RGS7: variants seen among roughly 807,000 people sequenced by gnomAD.
RGS7 encodes the protein regulator of G-protein signaling 7.
A neutral mutation model predicts 81.1 loss-of-function variants in RGS7; 27 were observed. The observed-to-expected ratio is 0.33, with a 90% CI of 0.25 to 0.46. The LOEUF (loss-of-function observed/expected upper bound fraction) is 0.46, where lower values mean the gene tolerates loss of function less well. Ranked by LOEUF, RGS7 falls within the 20% of genes least tolerant of loss-of-function variation. The pLI, the probability that RGS7 is intolerant of heterozygous loss-of-function variation, is 1.00. For synonymous variants in RGS7, 208 were observed against 207.7 expected (o/e 1.00, Z -0.01); for missense variants, 396 against 607.4 (o/e 0.65, Z 3.66).
intron 2 of RGS7, among the ~76,000 whole-genome samples, chr1:241,325,563 T>C (rs896990159): frequency 1.3e-5 from 2 of 152,164 alleles, no homozygotes; most frequent in African/African-American, 4.8e-5. Flanking sequence ...TTCAAATAAA[T>C]CTCTACTGAC....
At chr1:241,302,344 T>C (rs1009141658) in intron 2 of RGS7, among the ~76,000 whole-genome samples, 2 of 152,024 alleles carry the variant, frequency 1.3e-5, no homozygotes, top group Non-Finnish European at 2.9e-5. Context: ...GGTCAGGAGA[T>C]CGAGACCATC....
At chr1:240,995,013 T>C (rs1320088699) in intron 3 of RGS7, among the ~76,000 whole-genome samples, 2 of 152,116 alleles carry the variant, frequency 1.3e-5, no homozygotes, top group Non-Finnish European at 1.5e-5. Context: ...AGTTGAGGAA[T>C]TTCTCTTCCA....
At chr1:240,823,018 T>G (rs1036694217) in intron 10 of RGS7, 16 of 548,356 alleles carry the variant, frequency 2.9e-5, no homozygotes, top group Admixed American at 5.8e-5. Context: ...AGAAATTGTC[T>G]TGAGTTTCAA....
chr1:240,853,417 G>C (rs1660459077), intron 9 of RGS7, among the ~76,000 whole-genome samples: 1 of 152,072 alleles, frequency 6.6e-6, no homozygotes, highest in African/African-American at 2.4e-5. Context: ...ACAACTTCTT[G>C]GTCCAGATTA....
At chr1:241,314,618 T>C (rs539111823) in intron 2 of RGS7, among the ~76,000 whole-genome samples, 41 of 152,280 alleles carry the variant, frequency 2.7e-4, no homozygotes, top group African/African-American at 9.6e-4. Context: ...CTATAATACA[T>C]AAATTATATA....
chr1:241,127,605 A>G (rs1381643157), intron 2 of RGS7, among the ~76,000 whole-genome samples: 3 of 152,144 alleles, frequency 2.0e-5, no homozygotes, highest in East Asian at 1.9e-4. Context: ...TGACGAGTTA[A>G]TGGGTGCAGC....
intron 2 of RGS7, among the ~76,000 whole-genome samples, chr1:241,303,828 T>C (rs2079918935): frequency 1.3e-5 from 2 of 152,202 alleles, no homozygotes; most frequent in Admixed American, 1.3e-4. Context: ...TTCCTCTGTT[T>C]CCTATAAATT....
intron 3 of RGS7, among the ~76,000 whole-genome samples, chr1:241,023,788 C>G (rs550482373): frequency 6.6e-6 from 1 of 152,306 alleles, no homozygotes; most frequent in African/African-American, 2.4e-5. Flanking sequence ...TCTTGTTGCC[C>G]AGGCTGCAGT....
chr1:241,035,483 T>C (rs1329433487), intron 3 of RGS7, among the ~76,000 whole-genome samples: 1 of 152,148 alleles, frequency 6.6e-6, no homozygotes, highest in Non-Finnish European at 1.5e-5. Flanking sequence ...TAGCTCAAAA[T>C]ACACTCAAAA....
intron 2 of RGS7, among the ~76,000 whole-genome samples, chr1:241,296,707 G>C (rs1011116123): frequency 2.0e-5 from 3 of 152,188 alleles, no homozygotes; most frequent in Non-Finnish European, 4.4e-5. Context: ...CTAGTCTGTG[G>C]CCTGCATGGA....
chr1:241,138,641 T>C (rs2067699970), intron 2 of RGS7, among the ~76,000 whole-genome samples: 1 of 152,228 alleles, frequency 6.6e-6, no homozygotes, highest in Non-Finnish European at 1.5e-5. Flanking sequence ...GTGCCTCCTC[T>C]ATTTCACCTG....
intron 3 of RGS7, among the ~76,000 whole-genome samples, chr1:241,067,119 GA>G (rs58042538): frequency 0.18 from 27,584 of 152,150 alleles, 2,803 homozygotes; most frequent in Non-Finnish European, 0.23. Context: ...TGAAGCAAAA[GA>G]AATTATCTCT....
At chr1:240,944,272 GTGTGTGTGTGTATATATATA>G (rs1317190089) in intron 4 of RGS7, among the ~76,000 whole-genome samples, 1,218 of 37,190 alleles carry the variant, frequency 0.033, 37 homozygotes, top group Non-Finnish European at 0.043. Context: ...GTGTGTGTGT[GTGTGTGTGTGTATATATATA>G]TATATATATA....
At chr1:240,780,612 C>T (rs1040080186) in intron 18 of RGS7, among the ~76,000 whole-genome samples, 3 of 151,698 alleles carry the variant, frequency 2.0e-5, no homozygotes, top group Non-Finnish European at 4.4e-5. Context: ...TGATTTGGTT[C>T]AAAATTCTGG....
intron 9 of RGS7, among the ~76,000 whole-genome samples, chr1:240,856,447 T>C (rs1301270773): frequency 1.3e-5 from 2 of 152,190 alleles, no homozygotes; most frequent in African/African-American, 4.8e-5. Flanking sequence ...TTGAAAGACA[T>C]ACTAAATGAA....
chr1:241,008,556 T>C (rs2058794055), intron 3 of RGS7, among the ~76,000 whole-genome samples: 2 of 152,146 alleles, frequency 1.3e-5, no homozygotes, highest in African/African-American at 4.8e-5. Context: ...CTTCTGTGTT[T>C]GAAAATTGTA....
chr1:240,776,731 AACTC>A (rs1683008743), intron 18 of RGS7, among the ~76,000 whole-genome samples: 1 of 152,178 alleles, frequency 6.6e-6, no homozygotes, highest in South Asian at 2.1e-4. Context: ...TGATTCATGA[AACTC>A]AAGATTGAGT....
chr1:241,311,959 A>G (rs2080560745), intron 2 of RGS7, among the ~76,000 whole-genome samples: 1 of 152,242 alleles, frequency 6.6e-6, no homozygotes, highest in African/African-American at 2.4e-5. Context: ...CAGCAAATAG[A>G]TGAACATTTG....
chr1:240,856,406 A>T (rs956502313), intron 9 of RGS7, among the ~76,000 whole-genome samples: 2 of 152,160 alleles, frequency 1.3e-5, no homozygotes, highest in Non-Finnish European at 2.9e-5. Context: ...TCTTCTCTTT[A>T]GCCTTTAGTG....
Sources: gnomAD v4.1 joint callset for allele counts (sites outside exome capture counted in the v4.1 genomes callset) on GRCh38, gnomAD v4.1.1 for gene constraint, MANE v1.5 for transcripts, NCBI Gene and HGNC (gene_info 2026-07-23, HGNC 2026-07-21) for gene names.